Variants in CFAP61 observed in about 807,000 individuals in gnomAD.
CFAP61 encodes the protein cilia- and flagella-associated protein 61.
A neutral mutation model predicts 135.6 loss-of-function variants in CFAP61; 107 were observed. That is an observed-to-expected ratio of 0.79 (90% CI 0.67 to 0.93). CFAP61 has a LOEUF of 0.93. Among genes scored for constraint, CFAP61 ranks in the 40% least tolerant of loss-of-function variants. CFAP61 has a pLI of 0.00. For missense variants in CFAP61, 1,507 were observed against 1,556.2 expected, an observed-to-expected ratio of 0.97 and a Z score of 0.53; for synonymous variants, 575 against 578.5, an observed-to-expected ratio of 0.99 and a Z score of 0.09.
At chr20:20,165,373 G>A (rs1248364145) in intron 11 of CFAP61, among the ~76,000 whole-genome samples, 2 of 152,144 alleles carry the variant, frequency 1.3e-5, no homozygotes, top group Non-Finnish European at 2.9e-5. Flanking sequence ...TCTGCAGCTG[G>A]AGTCTCAGCT....
chr20:20,281,516 TTTC>T (rs1383085759), intron 22 of CFAP61, among the ~76,000 whole-genome samples: 2 of 152,204 alleles, frequency 1.3e-5, no homozygotes, highest in Non-Finnish European at 2.9e-5. Flanking sequence ...ATATGGAAAT[TTTC>T]TTCTTAATTC....
chr20:20,320,003 G>A (rs563034962), intron 25 of CFAP61, among the ~76,000 whole-genome samples: 1 of 152,076 alleles, frequency 6.6e-6, no homozygotes, highest in Non-Finnish European at 1.5e-5. Flanking sequence ...GTAGGAAACC[G>A]AGAGGATAGA....
chr20:20,179,990 A>G (rs11908204), intron 13 of CFAP61, among the ~76,000 whole-genome samples: 30,935 of 152,164 alleles, frequency 0.2, 3,510 homozygotes, highest in African/African-American at 0.29. Flanking sequence ...GAAGATGCCA[A>G]AAGCAATTAC....
chr20:20,109,478 G>T (rs1349486284), intron 8 of CFAP61, among the ~76,000 whole-genome samples: 1 of 152,100 alleles, frequency 6.6e-6, no homozygotes, highest in Non-Finnish European at 1.5e-5. Context: ...GTCCTTCTAT[G>T]CTTGAGCTGG....
chr20:20,184,865 T>C (rs1475387656), intron 13 of CFAP61, among the ~76,000 whole-genome samples: 3 of 152,184 alleles, frequency 2.0e-5, no homozygotes, highest in Admixed American at 2.0e-4. Context: ...AGTGGGAACC[T>C]CTGATGAGGG....
At chr20:20,181,913 A>G (rs549859273) in intron 13 of CFAP61, among the ~76,000 whole-genome samples, 3 of 152,312 alleles carry the variant, frequency 2.0e-5, no homozygotes, top group African/African-American at 7.2e-5. Context: ...GGACTGAAAG[A>G]TGGGAGCCAC....
At chr20:20,296,338 T>TCCCTCCTTC (rs2055569035) in intron 24 of CFAP61, among the ~76,000 whole-genome samples, 1 of 100,942 alleles carries the variant, frequency 9.9e-6, no homozygotes, top group African/African-American at 4.0e-5. Flanking sequence ...CTTCCTTCCT[T>TCCCTCCTTC]CCTTGCTTCC....
At chr20:20,233,693 A>G (rs1370778106) in intron 18 of CFAP61, among the ~76,000 whole-genome samples, 1 of 152,218 alleles carries the variant, frequency 6.6e-6, no homozygotes, top group Non-Finnish European at 1.5e-5. Context: ...ACTAATCACA[A>G]TGGGGTTTCC....
chr20:20,173,673 A>C (rs1305949712), intron 13 of CFAP61, among the ~76,000 whole-genome samples: 1 of 152,084 alleles, frequency 6.6e-6, no homozygotes, highest in Admixed American at 6.5e-5. Flanking sequence ...AATGTAGTTA[A>C]TTTTTTCTAC....
At chr20:20,077,760 G>A (rs1164910194) in intron 6 of CFAP61, among the ~76,000 whole-genome samples, 3 of 152,196 alleles carry the variant, frequency 2.0e-5, no homozygotes, top group African/African-American at 7.2e-5. Context: ...GATTGAAAGG[G>A]TTTATCTAAA....
At position 20,345,650 on chromosome 20, in the gene CFAP61, G is replaced by C. The variant is rs372781609; in HGVS notation, c.3513+3729G>C. Among the ~76,000 whole-genome samples the C allele has an allele frequency of 4.6e-5, 7 of 152,234 alleles. No homozygotes were observed. In the East Asian group the frequency reaches 9.7e-4, roughly 21 times the overall value. ...ATCATTATAACATGGGCCGGGTGCA[G>C]TGGCTCATGCTTGTAATCCCAGCAC... On this transcript the variant is annotated intron_variant, in intron 26 of 26. Transcript: ENST00000245957.
chr20:20,053,132 A>G (rs2043896911), intron 1 of CFAP61, among the ~76,000 whole-genome samples: 1 of 152,244 alleles, frequency 6.6e-6, no homozygotes, highest in Admixed American at 6.5e-5. Flanking sequence ...AACAAGGCTA[A>G]TAACATCTGT....
At chr20:20,352,078 C>T (rs900207472) in intron 26 of CFAP61, among the ~76,000 whole-genome samples, 41 of 152,152 alleles carry the variant, frequency 2.7e-4, no homozygotes, top group African/African-American at 8.9e-4. Flanking sequence ...GGGTAATTTA[C>T]GAAGGAAAGA....
chr20:20,075,297 A>G (rs765538444), intron 5 of CFAP61, 41 bp downstream of exon 5: 4 of 1,598,440 alleles, frequency 2.5e-6, no homozygotes, highest in Admixed American at 1.7e-5. Context: ...GGTAGCAAAC[A>G]TTGAAAATTC....
At chr20:20,081,047 T>C (rs781562406) in intron 6 of CFAP61, among the ~76,000 whole-genome samples, 2 of 151,870 alleles carry the variant, frequency 1.3e-5, no homozygotes, top group African/African-American at 2.4e-5. Context: ...ACCAAAATAG[T>C]ATTTTGTTGC....
At chr20:20,157,895 CAT>C (rs1222249220) in intron 9 of CFAP61, among the ~76,000 whole-genome samples, 9 of 152,110 alleles carry the variant, frequency 5.9e-5, no homozygotes, top group Admixed American at 5.9e-4. Context: ...GTTTCTACAA[CAT>C]ATTTTTTAAA....
Position 20,172,855 on chromosome 20 carries a change from G to A in CFAP61, c.1385+3395G>A, listed in dbSNP as rs192228520. 5.8e-3 allele frequency among the ~76,000 whole-genome samples: 886 copies of A among 152,242 alleles called. 5 individuals carry two copies. The highest frequency in any genetic ancestry group is 0.051 in the Middle Eastern group (15 of 294). On this transcript the variant is annotated intron_variant, in intron 13 of 26. Coordinates refer to ENST00000245957, the MANE Select transcript of CFAP61 (RefSeq NM_015585.4). ...TGGTGTTGTACATCCTATGGCTTTG[G>A]ACAAACGTATAATGACATGTATCCA...
At chr20:20,073,978 A>G (rs2146575043) in intron 3 of CFAP61, 1 of 305,786 alleles carries the variant, frequency 3.3e-6, no homozygotes, top group East Asian at 7.0e-5. Flanking sequence ...GGACAAGACT[A>G]CTGAGTTAAT....
At chr20:20,221,710 A>G (rs193282123) in intron 17 of CFAP61, 1 of 152,182 alleles carries the variant, frequency 6.6e-6, no homozygotes, top group Non-Finnish European at 1.5e-5. Flanking sequence ...TCTCCTTGTC[A>G]TCTTTTATTT....
Sources: allele counts gnomAD v4.1 joint callset (sites outside exome capture counted in the v4.1 genomes callset), GRCh38; gene constraint gnomAD v4.1.1; transcripts MANE v1.5; gene names NCBI Gene and HGNC (gene_info 2026-07-23, HGNC 2026-07-21).